The following WARS2 variants were observed in gnomAD, a reference collection of about 807,000 sequenced individuals.
WARS2 encodes the protein tryptophan--tRNA ligase, mitochondrial.
Under a neutral mutation model 36.5 loss-of-function variants are expected in WARS2, and 28 were observed. The ratio of observed to expected loss-of-function variants is 0.77; its 90% CI spans 0.57 to 1.05. The LOEUF is 1.05. WARS2 is among the 50% of genes least tolerant of loss of function. The pLI, the probability that WARS2 is intolerant of heterozygous loss-of-function variation, is 0.00. For synonymous variants in WARS2, 174 were observed against 178.4 expected (o/e 0.98, Z 0.20); for missense variants, 435 against 456.8 (o/e 0.95, Z 0.44).
At chr1:119,094,539 A>C (rs1653280739) in intron 1 of WARS2, among the ~76,000 whole-genome samples, 1 of 152,098 alleles carries the variant, frequency 6.6e-6, no homozygotes, top group South Asian at 2.1e-4. Context: ...GAAGCTCTTT[A>C]TAAAAACTTC....
chr1:119,079,782 C>T (rs1652047565), intron 1 of WARS2, among the ~76,000 whole-genome samples: 1 of 152,056 alleles, frequency 6.6e-6, no homozygotes, highest in Non-Finnish European at 1.5e-5. Context: ...GTGCTTGATC[C>T]AGGAACTGAG....
chr1:119,139,510 A>ATTAT (rs1162495076), intron 1 of WARS2: 1 of 152,198 alleles, frequency 6.6e-6, no homozygotes, highest in African/African-American at 2.4e-5. Context: ...TCCACTCAAT[A>ATTAT]TGAGCAAAAA....
intron 1 of WARS2, chr1:119,126,732 C>A: frequency 1.4e-6 from 1 of 733,738 alleles, no homozygotes; most frequent in East Asian, 2.5e-5. Context: ...AATAGATTGG[C>A]AAGCCTTTTC....
intron 3 of WARS2, 58 bp downstream of exon 3, chr1:119,045,511 GATTCCCAGAGCCT>G: frequency 1.5e-6 from 2 of 1,352,122 alleles, no homozygotes; most frequent in Middle Eastern, 1.8e-4. Flanking sequence ...GTAAACTCAG[GATTCCCAGAGCCT>G]AACAGGAAGG....
chr1:119,036,604 A>G (rs767107460), intron 4 of WARS2, among the ~76,000 whole-genome samples: 2 of 152,204 alleles, frequency 1.3e-5, no homozygotes, highest in African/African-American at 2.4e-5. Context: ...CAGAAAAAAC[A>G]ATTACCATAA....
At chr1:119,076,288 A>G in intron 2 of WARS2, 62 bp downstream of exon 2, 2 of 1,582,418 alleles carry the variant, frequency 1.3e-6, no homozygotes, top group South Asian at 2.3e-5. Flanking sequence ...GAACCATTCA[A>G]CATTTTTTCC....
intron 2 of WARS2, among the ~76,000 whole-genome samples, chr1:119,066,283 C>T (rs958932190): frequency 6.6e-5 from 10 of 151,956 alleles, no homozygotes; most frequent in African/African-American, 2.4e-4. Flanking sequence ...CGAGAACCAT[C>T]CTGGCTAATA....
chr1:119,084,502 CCAAT>C (rs1400408993), intron 1 of WARS2, among the ~76,000 whole-genome samples: 2 of 151,880 alleles, frequency 1.3e-5, no homozygotes, highest in Admixed American at 6.6e-5. Flanking sequence ...TGGAAAGAGG[CCAAT>C]CAAACAAAAA....
intron 1 of WARS2, among the ~76,000 whole-genome samples, chr1:119,130,783 G>A (rs1476453794): frequency 2.0e-5 from 3 of 151,994 alleles, no homozygotes; most frequent in Non-Finnish European, 2.9e-5. Flanking sequence ...TTATGCCAAA[G>A]ATTTAAGAAT....
chr1:119,131,463 TTG>T lies in WARS2; in HGVS notation c.90+9090_90+9091del, dbSNP rs770864747. Among the ~76,000 whole-genome samples, 34 of 145,698 alleles carry T rather than the reference TTG, an allele frequency of 2.3e-4. 1 individual carries two copies. The highest frequency in any genetic ancestry group is 7.7e-4 in the African/African-American group (29 of 37,664). The stretch of plus-strand genomic sequence containing the variant: ...CGGACTGTGCAAAGTTTTTTGTTTT[TTG>T]TTTTTTTTTTTTTTGAGACGTAGTC... On this transcript the variant is annotated intron_variant, in intron 1 of 5. Transcript: ENST00000235521.
At chr1:119,072,994 A>T (rs1228037851) in intron 2 of WARS2, among the ~76,000 whole-genome samples, 3 of 151,960 alleles carry the variant, frequency 2.0e-5, no homozygotes, top group Admixed American at 2.0e-4. Flanking sequence ...ATCTCTCCAA[A>T]AAAAAAGCCA....
At chr1:119,047,378 A>G (rs1223181397) in intron 2 of WARS2, 1 of 152,160 alleles carries the variant, frequency 6.6e-6, no homozygotes, top group East Asian at 1.9e-4. Flanking sequence ...CGCCTCTTTA[A>G]CTCTGATTCA....
chr1:119,085,755 A>C, intron 1 of WARS2: 1 of 1,590,462 alleles, frequency 6.3e-7, no homozygotes, highest in Non-Finnish European at 8.6e-7. Context: ...GTCCCACATG[A>C]GATTAATGTT....
At chr1:119,095,068 C>T (rs1473446862) in intron 1 of WARS2, among the ~76,000 whole-genome samples, 8 of 151,730 alleles carry the variant, frequency 5.3e-5, no homozygotes, top group East Asian at 1.9e-4. Context: ...TTTTTATGAT[C>T]GATTCCAAAT....
At chr1:119,088,712 G>C (rs1453131153) in intron 1 of WARS2, among the ~76,000 whole-genome samples, 1 of 152,120 alleles carries the variant, frequency 6.6e-6, no homozygotes. Flanking sequence ...TCGATGGCTA[G>C]GTAGACTTAC....
rs1358598810 is a variant in WARS2 at position 119,126,671 on chromosome 1, GGGCTTCCTCA to G, written c.90+13874_90+13883del. ...CCATAAGTTTTCCCAATTCAAACTAGGGCTTCCTCAGCATTTTTACTTTTCTAACGAAGAC... is the reference window on the plus strand; with the variant it reads ...CCATAAGTTTTCCCAATTCAAACTAGGCATTTTTACTTTTCTAACGAAGAC... On this transcript the variant is annotated intron_variant, in intron 1 of 5. Transcript: ENST00000235521. 8.3e-6 allele frequency: 6 copies of G among 721,670 alleles called. No homozygotes were observed. The African/African-American group carries it at 1.0e-4, about 12-fold the overall frequency. The allele number at this position is 721,670 out of a possible 1,614,324, so 44.7% of individuals were successfully genotyped here. A position where few individuals can be genotyped will look rare whatever the true frequency, so the allele number is the denominator to read the frequency against.
intron 2 of WARS2, among the ~76,000 whole-genome samples, chr1:119,048,817 A>G (rs1409007735): frequency 6.6e-6 from 1 of 151,388 alleles, no homozygotes; most frequent in Admixed American, 6.6e-5. Flanking sequence ...TGTAATCATC[A>G]CTTTGGGAGG....
chr1:119,046,591 C>G (rs1370464957), intron 2 of WARS2, among the ~76,000 whole-genome samples: 1 of 151,326 alleles, frequency 6.6e-6, no homozygotes, highest in Non-Finnish European at 1.5e-5. Context: ...CTCCTGACCT[C>G]GTGATCCACC....
chr1:119,064,592 G>C (rs1650674625), intron 2 of WARS2: 1 of 152,110 alleles, frequency 6.6e-6, no homozygotes, highest in African/African-American at 2.4e-5. Flanking sequence ...GAATCATGGG[G>C]GCCGGTCTTT....
Sources: allele counts gnomAD v4.1 joint callset (sites outside exome capture counted in the v4.1 genomes callset), GRCh38; gene constraint gnomAD v4.1.1; transcripts MANE v1.5; gene names NCBI Gene and HGNC (gene_info 2026-07-23, HGNC 2026-07-21).